Variants in LRRC69 observed in about 807,000 individuals in gnomAD.
LRRC69 encodes leucine rich repeat containing 69, also known as leucine-rich repeat-containing protein 69.
LRRC69 carries 42 observed loss-of-function variants against 37.8 expected under a neutral mutation model. That is an observed-to-expected ratio of 1.11 (90% CI 0.87 to 1.44). The LOEUF is 1.44. Ranked by LOEUF, LRRC69 falls within the 40% of genes most tolerant of loss-of-function variation. The pLI is 0.00. For synonymous variants in LRRC69, 141 were observed against 143.1 expected (o/e 0.99, Z 0.11); for missense variants, 357 against 401.9 (o/e 0.89, Z 0.96).
At chr8:91,151,475 T>C (rs1808736209) in intron 5 of LRRC69, among the ~76,000 whole-genome samples, 1 of 151,910 alleles carries the variant, frequency 6.6e-6, no homozygotes, top group Admixed American at 6.6e-5. Context: ...TTCTGTTCTT[T>C]TACATTTGCT....
At chr8:91,172,139 G>A (rs1253602228) in intron 5 of LRRC69, among the ~76,000 whole-genome samples, 1 of 151,834 alleles carries the variant, frequency 6.6e-6, no homozygotes, top group Non-Finnish European at 1.5e-5. Context: ...CTTGATATAT[G>A]TATATAATTA....
In LRRC69 at chr8:91,103,297, T is replaced by TGTATTTA. The variant is rs1181341931; in HGVS notation, c.183+453_183+454insGTATTTA. On this transcript the variant is annotated intron_variant, in intron 1 of 7. Coordinates refer to ENST00000448384, the Ensembl canonical transcript of LRRC69. ...GCAAGGGAGTTCCTTTTCAATTTCC[T>TGTATTTA]AGGGCAGGCTGAAACTTTGAAATGG... 2.3e-3 allele frequency among the ~76,000 whole-genome samples: 345 copies of TGTATTTA among 151,674 alleles called. 12 individuals carry two copies. The highest frequency in any genetic ancestry group is 5.1e-3 in the Admixed American group (77 of 15,150).
intron 5 of LRRC69, among the ~76,000 whole-genome samples, chr8:91,140,564 C>A (rs1004140809): frequency 6.6e-6 from 1 of 150,646 alleles, no homozygotes; most frequent in Non-Finnish European, 1.5e-5. Context: ...TAAAGAAATA[C>A]GTGTCTTGCT....
chr8:91,188,850 T>TC (rs747293809), intron 5 of LRRC69, among the ~76,000 whole-genome samples: 13 of 151,344 alleles, frequency 8.6e-5, no homozygotes, highest in Admixed American at 2.0e-4. Context: ...TTTTTTTTTT[T>TC]CCCCTCACTC....
chr8:91,164,181 G>GA (rs1417614845), intron 5 of LRRC69, among the ~76,000 whole-genome samples: 1 of 151,510 alleles, frequency 6.6e-6, no homozygotes, highest in Admixed American at 6.6e-5. Context: ...CCCATATACA[G>GA]AAAATCACAT....
At chr8:91,174,646 T>C (rs1026710961) in intron 5 of LRRC69, among the ~76,000 whole-genome samples, 1 of 152,260 alleles carries the variant, frequency 6.6e-6, no homozygotes, top group African/African-American at 2.4e-5. Flanking sequence ...TGTTGCTTGG[T>C]CTGAATACAT....
At chr8:91,126,415 T>A (rs1334503575) in intron 2 of LRRC69, among the ~76,000 whole-genome samples, 3 of 152,058 alleles carry the variant, frequency 2.0e-5, no homozygotes, top group Non-Finnish European at 2.9e-5. Flanking sequence ...TAGGTGCCCA[T>A]GTTTTCAAAT....
At chr8:91,207,556 G>A (rs1026681961) in intron 7 of LRRC69, among the ~76,000 whole-genome samples, 6 of 152,174 alleles carry the variant, frequency 3.9e-5, no homozygotes, top group Non-Finnish European at 8.8e-5. Context: ...ATTGTGTTTG[G>A]CGAATCCATA....
intron 7 of LRRC69, among the ~76,000 whole-genome samples, chr8:91,210,563 A>G (rs1196923114): frequency 7.2e-5 from 1 of 13,808 alleles, no homozygotes. Context: ...ACACACACAG[A>G]CACACACACA....
intron 4 of LRRC69, 33 bp downstream of exon 4, chr8:91,133,338 G>A (rs1813844299): frequency 6.9e-7 from 1 of 1,444,340 alleles, no homozygotes; most frequent in Non-Finnish European, 9.1e-7. Flanking sequence ...GTAGTTTGCT[G>A]TTGGAGAAGA....
At chr8:91,204,602 A>G (rs948194922) in intron 7 of LRRC69, among the ~76,000 whole-genome samples, 5 of 152,222 alleles carry the variant, frequency 3.3e-5, no homozygotes, top group African/African-American at 1.2e-4. Flanking sequence ...CAAGTATGCT[A>G]TGTTCCCAAG....
In LRRC69 at chr8:91,201,295, A is replaced by C. The variant is rs1809707597; in HGVS notation, c.933+503A>C. On this transcript the variant is annotated intron_variant, in intron 7 of 7. Coordinates refer to ENST00000448384, the Ensembl canonical transcript of LRRC69. ...TAGCCCATAAGGCGTGTTCTAGACCAGAGCTCAGCAAACTCCTTTTTCTCT... is the reference window on the plus strand; with the variant it reads ...TAGCCCATAAGGCGTGTTCTAGACCCGAGCTCAGCAAACTCCTTTTTCTCT... Among the ~76,000 whole-genome samples the C allele has an allele frequency of 1.3e-5, 2 of 152,220 alleles. 1 individual carries two copies. The highest frequency in any genetic ancestry group is 4.1e-4 in the South Asian group (2 of 4,834).
At chr8:91,197,742 C>T (rs1010346667) in intron 6 of LRRC69, among the ~76,000 whole-genome samples, 1 of 152,162 alleles carries the variant, frequency 6.6e-6, no homozygotes, top group Non-Finnish European at 1.5e-5. Context: ...CGCCCACTGT[C>T]TGGCACTCCC....
intron 6 of LRRC69, among the ~76,000 whole-genome samples, chr8:91,194,394 A>G (rs1356037012): frequency 6.6e-6 from 1 of 151,730 alleles, no homozygotes; most frequent in Non-Finnish European, 1.5e-5. Flanking sequence ...CTATTGTTTT[A>G]TTGATTGGAA....
At chr8:91,177,293 G>A (rs1366694197) in intron 5 of LRRC69, among the ~76,000 whole-genome samples, 1 of 152,006 alleles carries the variant, frequency 6.6e-6, no homozygotes, top group African/African-American at 2.4e-5. Context: ...AGAAATTTTG[G>A]TATTCTCTAT....
At chr8:91,179,674 T>TA (rs1809291748) in intron 5 of LRRC69, among the ~76,000 whole-genome samples, 1 of 152,264 alleles carries the variant, frequency 6.6e-6, no homozygotes, top group African/African-American at 2.4e-5. Context: ...AGGCATTCAC[T>TA]ACCTTTTATT....
intron 5 of LRRC69, among the ~76,000 whole-genome samples, chr8:91,152,273 A>G (rs1276109503): frequency 6.6e-6 from 1 of 151,412 alleles, no homozygotes; most frequent in East Asian, 1.9e-4. Flanking sequence ...TTGGTTTTAT[A>G]TTTAAGTCTT....
intron 7 of LRRC69, among the ~76,000 whole-genome samples, chr8:91,213,863 G>T (rs183510202): frequency 2.0e-5 from 3 of 152,268 alleles, no homozygotes; most frequent in Non-Finnish European, 4.4e-5. Context: ...AGGTTGGTTT[G>T]TGGATAGGAG....
At chr8:91,197,425 G>C (rs1396961613) in intron 6 of LRRC69, among the ~76,000 whole-genome samples, 1 of 152,152 alleles carries the variant, frequency 6.6e-6, no homozygotes, top group African/African-American at 2.4e-5. Flanking sequence ...GCCAATGGCG[G>C]GCGCCCCTCC....
Sources: allele counts gnomAD v4.1 joint callset (sites outside exome capture counted in the v4.1 genomes callset), GRCh38; gene constraint gnomAD v4.1.1; transcripts MANE v1.5; gene names NCBI Gene and HGNC (gene_info 2026-07-23, HGNC 2026-07-21).